Variants in XKR4 observed in about 807,000 individuals in gnomAD.
The protein encoded by XKR4 is XK-related protein 4.
In XKR4, 12 loss-of-function variants were observed where a neutral mutation model predicts 53.9. That is an observed-to-expected ratio of 0.22 (90% CI 0.14 to 0.36). The LOEUF is 0.36. XKR4 is among the 10% of genes least tolerant of loss of function. The pLI is 1.00. For synonymous variants in XKR4, 354 were observed against 362.4 expected, an observed-to-expected ratio of 0.98 and a Z score of 0.26; for missense variants, 799 against 859.5, an observed-to-expected ratio of 0.93 and a Z score of 0.88.
chr8:55,156,388 C>A (rs752342584), intron 1 of XKR4, among the ~76,000 whole-genome samples: 9 of 136,364 alleles, frequency 6.6e-5, no homozygotes, highest in Non-Finnish European at 1.4e-4. Flanking sequence ...TAAGACGCTG[C>A]GCGCATAGTC....
chr8:55,461,918 T>C (rs1010324688), intron 2 of XKR4, among the ~76,000 whole-genome samples: 1 of 152,068 alleles, frequency 6.6e-6, no homozygotes, highest in African/African-American at 2.4e-5. Context: ...AAGAGAAGTT[T>C]AGAGAAAAAA....
At chr8:55,387,440 T>G (rs1047988192) in intron 2 of XKR4, among the ~76,000 whole-genome samples, 14 of 152,228 alleles carry the variant, frequency 9.2e-5, no homozygotes, top group African/African-American at 3.1e-4. Flanking sequence ...GCAGAGATGC[T>G]GGAGCTCTTT....
At chr8:55,287,134 G>C (rs1195972390) in intron 1 of XKR4, among the ~76,000 whole-genome samples, 1 of 12,132 alleles carries the variant, frequency 8.2e-5, no homozygotes, top group Non-Finnish European at 1.9e-3. Flanking sequence ...TATTGGGTGG[G>C]GGGGGGGAAC....
intron 2 of XKR4, among the ~76,000 whole-genome samples, chr8:55,419,485 T>C (rs1043928058): frequency 6.6e-6 from 1 of 152,256 alleles, no homozygotes; most frequent in Admixed American, 6.5e-5. Context: ...TACGAACTAC[T>C]AGTTCTAACC....
chr8:55,488,225 G>A (rs1461404964), intron 2 of XKR4, among the ~76,000 whole-genome samples: 1 of 152,198 alleles, frequency 6.6e-6, no homozygotes, highest in Non-Finnish European at 1.5e-5. Context: ...TACTGATGAG[G>A]ATGCGGGGCA....
At position 55,195,478 on chromosome 8, in the gene XKR4, A is replaced by T. The variant is rs1044386006; in HGVS notation, c.806+92184A>T. ...TATAATATATAGCCTAAATATAAAT[A>T]ATTTATTATTAGCCTGAAATACAGT... On this transcript the variant is annotated intron_variant, in intron 1 of 2. Transcript: ENST00000327381. Among the ~76,000 whole-genome samples the T allele has an allele frequency of 3.1e-5, 3 of 98,000 alleles. 1 individual carries two copies. Among genetic ancestry groups the T allele is most frequent in the Non-Finnish European group, 7.3e-5 (3 of 40,978 alleles). The allele number at this position is 98,000 out of a possible 152,430, so 64.3% of individuals were successfully genotyped here. A position where few individuals can be genotyped will look rare whatever the true frequency, so the allele number is the denominator to read the frequency against.
chr8:55,441,775 G>A (rs1805271694), intron 2 of XKR4, among the ~76,000 whole-genome samples: 1 of 152,100 alleles, frequency 6.6e-6, no homozygotes, highest in African/African-American at 2.4e-5. Flanking sequence ...GAAGTATAGA[G>A]CATAATGTAA....
At chr8:55,409,565 G>GT (rs11381160) in intron 2 of XKR4, among the ~76,000 whole-genome samples, 79,920 of 149,042 alleles carry the variant, frequency 0.54, 21,674 homozygotes, top group Middle Eastern at 0.66. Flanking sequence ...ACATGAAACA[G>GT]TTTTTTTTTT....
chr8:55,310,871 G>A (rs1049524355), intron 1 of XKR4, among the ~76,000 whole-genome samples: 1 of 152,208 alleles, frequency 6.6e-6, no homozygotes, highest in Middle Eastern at 3.2e-3. Context: ...GGGGAAGAAA[G>A]GAAAGCAAAG....
chr8:55,516,908 T>C (rs1412797248), intron 2 of XKR4, among the ~76,000 whole-genome samples: 1 of 152,056 alleles, frequency 6.6e-6, no homozygotes, highest in Non-Finnish European at 1.5e-5. Context: ...TTAAAAAAAA[T>C]ATGGTACATG....
intron 2 of XKR4, among the ~76,000 whole-genome samples, chr8:55,468,291 C>A (rs1193237085): frequency 6.6e-6 from 1 of 152,060 alleles, no homozygotes; most frequent in Non-Finnish European, 1.5e-5. Flanking sequence ...CAGGACGCAG[C>A]GTGTCAACTT....
chr8:55,211,017 T>C (rs35806354), intron 1 of XKR4, among the ~76,000 whole-genome samples: 23,555 of 152,232 alleles, frequency 0.15, 2,174 homozygotes, highest in Non-Finnish European at 0.21. Context: ...TTCTTAGCTA[T>C]GCAGCTGTGG....
intron 1 of XKR4, chr8:55,161,579 G>A (rs1339947206): frequency 4.4e-6 from 2 of 456,324 alleles, no homozygotes; most frequent in Non-Finnish European, 8.8e-6. Context: ...TCCTAGACAA[G>A]TTGTCTGCAT....
intron 2 of XKR4, among the ~76,000 whole-genome samples, chr8:55,397,828 C>A (rs1476674460): frequency 6.6e-6 from 1 of 152,108 alleles, no homozygotes; most frequent in Non-Finnish European, 1.5e-5. Context: ...TGATTCAGAC[C>A]TTAGCAGATT....
At chr8:55,204,027 T>A (rs896937599) in intron 1 of XKR4, among the ~76,000 whole-genome samples, 2 of 152,186 alleles carry the variant, frequency 1.3e-5, no homozygotes, top group Non-Finnish European at 2.9e-5. Context: ...TTTGTTCGTT[T>A]TTAGACAGGG....
At chr8:55,258,251 G>A (rs945208371) in intron 1 of XKR4, among the ~76,000 whole-genome samples, 1 of 152,204 alleles carries the variant, frequency 6.6e-6, no homozygotes, top group African/African-American at 2.4e-5. Context: ...AGAGCAATGG[G>A]GAGGGAAGAG....
intron 1 of XKR4, among the ~76,000 whole-genome samples, chr8:55,168,873 A>T (rs1294710736): frequency 1.3e-5 from 2 of 152,312 alleles, no homozygotes; most frequent in East Asian, 3.9e-4. Context: ...TTCTGAATCT[A>T]CCAGCTTGTC....
At chr8:55,432,773 T>A (rs6981063) in intron 2 of XKR4, among the ~76,000 whole-genome samples, 16,550 of 150,662 alleles carry the variant, frequency 0.11, 2,039 homozygotes, top group African/African-American at 0.3. Flanking sequence ...CCCAAAAAAG[T>A]CTACGCTTGG....
At chr8:55,177,319 G>A (rs189972265) in intron 1 of XKR4, among the ~76,000 whole-genome samples, 1 of 152,226 alleles carries the variant, frequency 6.6e-6, no homozygotes, top group Non-Finnish European at 1.5e-5. Flanking sequence ...TTACAGGCGT[G>A]AGCCACCATG....
Sources: gnomAD v4.1 joint callset for allele counts (sites outside exome capture counted in the v4.1 genomes callset) on GRCh38, gnomAD v4.1.1 for gene constraint, MANE v1.5 for transcripts, NCBI Gene and HGNC (gene_info 2026-07-23, HGNC 2026-07-21) for gene names.